ASZ1: variants seen among roughly 807,000 people sequenced by gnomAD.
The protein encoded by ASZ1 is ankyrin repeat, SAM and basic leucine zipper domain containing 1.
In ASZ1, 67 loss-of-function variants were observed where a neutral mutation model predicts 61.8. The ratio of observed to expected loss-of-function variants is 1.08; its 90% CI spans 0.89 to 1.33. The LOEUF (loss-of-function observed/expected upper bound fraction) is 1.33, where lower values mean the gene tolerates loss of function less well. ASZ1 is among the 40% of genes most tolerant of loss of function. The probability of loss-of-function intolerance (pLI) is 0.00; values close to 1 mark genes in which losing one functional copy is unlikely to be tolerated. For missense variants in ASZ1, 577 were observed against 554.5 expected, an observed-to-expected ratio of 1.04 and a Z score of -0.41; for synonymous variants, 193 against 192.7, an observed-to-expected ratio of 1.00 and a Z score of -0.01.
rs999667442 is a variant in ASZ1 at position 117,363,314 on chromosome 7, A to G, written c.*282T>C. On this transcript the variant is annotated 3_prime_UTR_variant, in exon 13 of 13. Transcript: ENST00000284629. ...GAACACACTTTAAAAAATGTCAAAG[A>G]TATTAGATATAACTTTAATTTTGAA... The G allele has an allele frequency of 1.2e-4, 24 of 194,554 alleles. No individual in the cohort carries two copies. Among genetic ancestry groups the G allele is most frequent in the African/African-American group, 5.5e-4 (24 of 43,366 alleles). The allele number at this position is 194,554 out of a possible 1,614,324, so 12.1% of individuals were successfully genotyped here.
chr7:117,421,372 CT>C (rs1797096820), intron 3 of ASZ1, among the ~76,000 whole-genome samples: 1 of 152,052 alleles, frequency 6.6e-6, no homozygotes, highest in Admixed American at 6.6e-5. Context: ...GCCACCACCC[CT>C]GGCTAATATT....
chr7:117,425,264 T>TC (rs1304420095), intron 2 of ASZ1, among the ~76,000 whole-genome samples: 3 of 131,922 alleles, frequency 2.3e-5, no homozygotes, highest in Non-Finnish European at 3.2e-5. Context: ...AATTTCTTTT[T>TC]TTTTTTTTTT....
chr7:117,427,308 A>C, intron 1 of ASZ1, 48 bp downstream of exon 1: 1 of 1,593,696 alleles, frequency 6.3e-7, no homozygotes, highest in Non-Finnish European at 8.6e-7. Context: ...TTCGAGGGCC[A>C]GGGGAGGCTG....
intron 12 of ASZ1, among the ~76,000 whole-genome samples, chr7:117,366,442 CCTT>C (rs1795940825): frequency 6.6e-6 from 1 of 151,914 alleles, no homozygotes; most frequent in South Asian, 2.1e-4. Flanking sequence ...TATAATCTAT[CCTT>C]CAAATCAGAT....
intron 4 of ASZ1, among the ~76,000 whole-genome samples, chr7:117,402,180 T>C (rs534296930): frequency 6.6e-6 from 1 of 152,330 alleles, no homozygotes; most frequent in Admixed American, 6.5e-5. Flanking sequence ...CCTTCAGTTG[T>C]CAAACAGGTG....
chr7:117,384,771 A>G lies in ASZ1; in HGVS notation c.642T>C (p.Asp214=), dbSNP rs1304685627. The G allele has an allele frequency of 5.0e-6, 8 of 1,612,400 alleles. No individual in the cohort carries two copies. Among genetic ancestry groups the G allele is most frequent in the South Asian group, 1.1e-5 (1 of 90,932 alleles). ...TTGCAATCTCACTTGGCATCTTTCC[A>G]TCTTTGGTTTGTAGCATTTTATTAG... is the stretch of plus-strand genomic sequence containing the variant. The part of the protein sequence containing the change: ...LGANKMLQTK[D]GKMPSEIAKR... Residue 214 remains aspartate, a synonymous_variant, in exon 6 of 13, where the codon GAT becomes GAC. Coordinates refer to ENST00000284629, the MANE Select transcript of ASZ1 (RefSeq NM_130768.3).
At chr7:117,387,257 G>A (rs866340286) in intron 4 of ASZ1, among the ~76,000 whole-genome samples, 4 of 151,562 alleles carry the variant, frequency 2.6e-5, no homozygotes, top group African/African-American at 9.7e-5. Flanking sequence ...TCAGTGAGCC[G>A]AGATTGTGCC....
At chr7:117,389,378 C>A (rs1389417127) in intron 4 of ASZ1, among the ~76,000 whole-genome samples, 1 of 152,160 alleles carries the variant, frequency 6.6e-6, no homozygotes, top group Admixed American at 6.5e-5. Flanking sequence ...CTGAGCATCC[C>A]AGCCTCAAAA....
In ASZ1 at chr7:117,381,041, A is replaced by C. The variant is rs1796239198; in HGVS notation, c.915T>G (p.Leu305=). The change falls in exon 9 of 13, where the codon CTT becomes CTG. Residue 305 remains leucine (L), a synonymous_variant. Coordinates refer to ENST00000284629, the MANE Select transcript of ASZ1 (RefSeq NM_130768.3). ...LKERDITLRH[L]LTMREDEFTK... is the part of the protein sequence containing the mutation. ...TAAATTCATCTTCCCTCATGGTCAAAAGATGTCTTAACGTTATATCCCTTT... is the reference window on the plus strand; with the variant it reads ...TAAATTCATCTTCCCTCATGGTCAACAGATGTCTTAACGTTATATCCCTTT... 1.3e-6 allele frequency: 2 copies of C among 1,598,364 alleles called. No individual in the cohort carries two copies. The highest frequency in any genetic ancestry group is 2.7e-5 in the African/African-American group (2 of 74,036).
chr7:117,376,583 G>C (rs761840586), intron 10 of ASZ1, among the ~76,000 whole-genome samples: 4 of 151,938 alleles, frequency 2.6e-5, no homozygotes, highest in Non-Finnish European at 4.4e-5. Context: ...TGCATAAAAA[G>C]AATAATAACC....
chr7:117,384,004 G>GAT (rs1423712911), intron 6 of ASZ1, among the ~76,000 whole-genome samples: 18 of 152,086 alleles, frequency 1.2e-4, no homozygotes, highest in African/African-American at 4.3e-4. Flanking sequence ...AAAGTGGCTT[G>GAT]GTTTGATGAT....
chr7:117,378,753 T>C (rs1224588570), intron 10 of ASZ1, among the ~76,000 whole-genome samples: 1 of 151,984 alleles, frequency 6.6e-6, no homozygotes, highest in Non-Finnish European at 1.5e-5. Flanking sequence ...TTATTTGGAA[T>C]AGCTAAAAAC....
At chr7:117,390,956 C>T (rs1282166474) in intron 4 of ASZ1, among the ~76,000 whole-genome samples, 3 of 152,168 alleles carry the variant, frequency 2.0e-5, no homozygotes, top group African/African-American at 7.2e-5. Context: ...CCTTCCTTGG[C>T]CTCCCAAAAT....
At position 117,385,705 on chromosome 7, in the gene ASZ1, C is replaced by A. The variant is rs1376479196; in HGVS notation, c.545G>T (p.Gly182Val). The A allele has an allele frequency of 6.3e-7, 1 of 1,598,784 alleles. No individual in the cohort carries two copies. Among genetic ancestry groups the A allele is most frequent in the Admixed American group, 1.7e-5 (1 of 59,792 alleles). Residue 182 changes from glycine to valine, a missense_variant, in exon 5 of 13, where the codon GGT (glycine) becomes GTT (valine). Coordinates refer to ENST00000284629, the MANE Select transcript of ASZ1 (RefSeq NM_130768.3). The stretch of plus-strand genomic sequence containing the variant: ...TGTAAAAATGTTTCTCACAGTGTAA[C>A]CATTCTCATCCTGGGTATTAACTTC... ...GAEVNTQDEN[G>V]YTALTWAARQ... is the part of the protein sequence containing the mutation.
intron 4 of ASZ1, among the ~76,000 whole-genome samples, chr7:117,391,773 G>A (rs1469358463): frequency 7.2e-5 from 11 of 151,910 alleles, no homozygotes. Context: ...TGGCTGTTCA[G>A]GTTCTTTTTT....
intron 7 of ASZ1, 53 bp from the exon 8 acceptor site, chr7:117,382,197 C>A: frequency 3.8e-6 from 4 of 1,045,426 alleles, no homozygotes; most frequent in South Asian, 2.7e-5. Context: ...AATGCACAAG[C>A]GATAAATATA....
At chr7:117,423,689 C>CAAAAAAAAAAAAAAAAAAA (rs60144830) in intron 2 of ASZ1, among the ~76,000 whole-genome samples, 2 of 76,514 alleles carry the variant, frequency 2.6e-5, no homozygotes, top group African/African-American at 5.6e-5. Context: ...ACTAAAAATA[C>CAAAAAAAAAAAAAAAAAAA]AAAAAAAAAA....
At chr7:117,364,908 G>A (rs1347745696) in intron 12 of ASZ1, among the ~76,000 whole-genome samples, 3 of 151,834 alleles carry the variant, frequency 2.0e-5, no homozygotes, top group Non-Finnish European at 4.4e-5. Flanking sequence ...TCAGTGTGTT[G>A]GCTTGAAAGA....
At chr7:117,387,715 T>C (rs1342679029) in intron 4 of ASZ1, among the ~76,000 whole-genome samples, 2 of 152,186 alleles carry the variant, frequency 1.3e-5, no homozygotes, top group African/African-American at 4.8e-5. Context: ...TATATTGCCA[T>C]AGTCTCATAA....
Sources: gnomAD v4.1 joint callset for allele counts (sites outside exome capture counted in the v4.1 genomes callset) on GRCh38, gnomAD v4.1.1 for gene constraint, MANE v1.5 for transcripts, NCBI Gene and HGNC (gene_info 2026-07-23, HGNC 2026-07-21) for gene names.